The following CFAP299 variants were observed in gnomAD, a reference collection of about 807,000 sequenced individuals.
CFAP299 encodes cilia and flagella associated protein 299.
A neutral mutation model predicts 27.0 loss-of-function variants in CFAP299; 21 were observed. That is an observed-to-expected ratio of 0.78 (90% CI 0.55 to 1.12). CFAP299 has a LOEUF of 1.12. Ranked by LOEUF, CFAP299 falls within the 50% of genes most tolerant of loss-of-function variation. The pLI, the probability that CFAP299 is intolerant of heterozygous loss-of-function variation, is 0.00. For synonymous variants in CFAP299, 104 were observed against 98.1 expected, an observed-to-expected ratio of 1.06 and a Z score of -0.36; for missense variants, 310 against 276.6, an observed-to-expected ratio of 1.12 and a Z score of -0.86.
intron 2 of CFAP299, among the ~76,000 whole-genome samples, chr4:80,519,887 A>G (rs1732815483): frequency 6.6e-6 from 1 of 152,170 alleles, no homozygotes. Context: ...TGTAACCTAT[A>G]TAGTCAGTCT....
intron 3 of CFAP299, among the ~76,000 whole-genome samples, chr4:80,737,597 T>A (rs914386712): frequency 6.6e-6 from 1 of 152,158 alleles, no homozygotes; most frequent in African/African-American, 2.4e-5. Flanking sequence ...TAGCCATTAA[T>A]GATAATTTGA....
chr4:80,958,216 G>T lies in CFAP299; in HGVS notation c.607-5301G>T, dbSNP rs191634384. Among the ~76,000 whole-genome samples, 551 of 152,198 alleles carry T rather than the reference G, an allele frequency of 3.6e-3. 1 individual carries two copies. Among genetic ancestry groups the T allele is most frequent in the Middle Eastern group, 0.014 (4 of 294 alleles). ...AATATTCTTGACTATTAAAGCCAAGGAGTAGACCAGATTGTACAGAAGGTC... is the reference window on the plus strand; with the variant it reads ...AATATTCTTGACTATTAAAGCCAAGTAGTAGACCAGATTGTACAGAAGGTC... On this transcript the variant is annotated intron_variant, in intron 5 of 5. Coordinates refer to ENST00000358105, the MANE Select transcript of CFAP299 (RefSeq NM_152770.3).
chr4:80,357,684 C>G (rs965610006), intron 1 of CFAP299, among the ~76,000 whole-genome samples: 1 of 152,000 alleles, frequency 6.6e-6, no homozygotes, highest in African/African-American at 2.4e-5. Context: ...GTGGTTTTAT[C>G]CCCCTGTTGT....
intron 3 of CFAP299, among the ~76,000 whole-genome samples, chr4:80,691,852 G>A (rs1474229690): frequency 6.6e-6 from 1 of 152,124 alleles, no homozygotes; most frequent in Non-Finnish European, 1.5e-5. Context: ...AAAGTCTCAG[G>A]ATACAAAATC....
chr4:80,812,084 G>C (rs1729183522), intron 3 of CFAP299, among the ~76,000 whole-genome samples: 1 of 151,964 alleles, frequency 6.6e-6, no homozygotes, highest in Non-Finnish European at 1.5e-5. Context: ...AATACAAACA[G>C]TATTCATATA....
At position 80,934,639 on chromosome 4, in the gene CFAP299, A is replaced by G. The variant is rs1480629075; in HGVS notation, c.477-10171A>G. ...CAATCTTGTTAGGTTGGATGGTTCC[A>G]GGAATGTATCCATTTCTTCTGGTTT... is the stretch of plus-strand genomic sequence containing the variant. On this transcript the variant is annotated intron_variant, in intron 4 of 5. Coordinates refer to ENST00000358105, the MANE Select transcript of CFAP299 (RefSeq NM_152770.3). Among the ~76,000 whole-genome samples the G allele has an allele frequency of 4.6e-5, 7 of 151,934 alleles. No homozygotes were observed. The East Asian group carries it at 1.3e-3, about 29-fold the overall frequency.
intron 2 of CFAP299, chr4:80,387,883 A>C: frequency 1.8e-6 from 2 of 1,088,312 alleles, no homozygotes; most frequent in Middle Eastern, 2.0e-4. Context: ...TGGAGAGTCA[A>C]AGATGGCCAC....
chr4:80,387,914 T>C, intron 2 of CFAP299: 1 of 875,760 alleles, frequency 1.1e-6, no homozygotes, highest in Non-Finnish European at 1.9e-6. Context: ...GTGGCACTGG[T>C]CATGGGGCAG....
intron 3 of CFAP299, among the ~76,000 whole-genome samples, chr4:80,839,424 C>G (rs1221544531): frequency 6.6e-6 from 1 of 152,024 alleles, no homozygotes; most frequent in East Asian, 1.9e-4. Flanking sequence ...ATTTGAAGTA[C>G]AAAAAGGCTG....
intron 3 of CFAP299, among the ~76,000 whole-genome samples, chr4:80,610,920 T>G (rs530345188): frequency 1.3e-5 from 2 of 152,136 alleles, no homozygotes; most frequent in East Asian, 3.9e-4. Context: ...CCTGTAAGTT[T>G]CTTTAAGTTG....
chr4:80,564,992 A>T (rs935353884), intron 2 of CFAP299, among the ~76,000 whole-genome samples: 5 of 152,068 alleles, frequency 3.3e-5, no homozygotes, highest in Non-Finnish European at 5.9e-5. Flanking sequence ...TGAAACACTG[A>T]TTGTTGATAA....
chr4:80,541,102 A>G (rs1158200273), intron 2 of CFAP299, among the ~76,000 whole-genome samples: 1 of 151,140 alleles, frequency 6.6e-6, no homozygotes, highest in Non-Finnish European at 1.5e-5. Context: ...GTTTTACAAG[A>G]AATATAATGG....
intron 4 of CFAP299, among the ~76,000 whole-genome samples, chr4:80,909,169 C>T (rs1735342634): frequency 6.6e-6 from 1 of 151,880 alleles, no homozygotes; most frequent in Non-Finnish European, 1.5e-5. Context: ...ATCTGTATTA[C>T]CAATTGCCTT....
intron 4 of CFAP299, among the ~76,000 whole-genome samples, chr4:80,935,908 C>T (rs548873761): frequency 6.6e-6 from 1 of 152,144 alleles, no homozygotes; most frequent in African/African-American, 2.4e-5. Context: ...AGTACATGAA[C>T]AGAGACACTT....
At chr4:80,959,799 C>A (rs569544263) in intron 5 of CFAP299, among the ~76,000 whole-genome samples, 1 of 151,514 alleles carries the variant, frequency 6.6e-6, no homozygotes, top group South Asian at 2.1e-4. Flanking sequence ...TACTTAAGAT[C>A]CAATTATGAA....
intron 2 of CFAP299, among the ~76,000 whole-genome samples, chr4:80,409,987 C>T (rs1246201491): frequency 1.3e-5 from 2 of 152,170 alleles, no homozygotes; most frequent in Non-Finnish European, 2.9e-5. Context: ...CAGCGAAGAT[C>T]AGCAGAAGTG....
rs1162381040 is a variant in CFAP299, at chr4:80,491,985, A to G, written c.243-91108A>G. Among the ~76,000 whole-genome samples the G allele has an allele frequency of 3.9e-5, 6 of 152,192 alleles. No individual in the cohort carries two copies. The East Asian group carries it at 9.6e-4, about 24-fold the overall frequency. On this transcript the variant is annotated intron_variant, in intron 2 of 5. Transcript: ENST00000358105. ...CCTATTGTCTCTAAGGGCAGCCACTATAAGACTTCAAAAGAACTTTGGTCT... is the reference window on the plus strand; with the variant it reads ...CCTATTGTCTCTAAGGGCAGCCACTGTAAGACTTCAAAAGAACTTTGGTCT...
At chr4:80,632,377 T>C (rs1739256500) in intron 3 of CFAP299, among the ~76,000 whole-genome samples, 1 of 152,200 alleles carries the variant, frequency 6.6e-6, no homozygotes, top group Non-Finnish European at 1.5e-5. Context: ...TTATTCAGCA[T>C]TTATTAAAAA....
At chr4:80,486,225 G>T (rs997580200) in intron 2 of CFAP299, among the ~76,000 whole-genome samples, 3 of 152,082 alleles carry the variant, frequency 2.0e-5, no homozygotes, top group African/African-American at 7.2e-5. Flanking sequence ...TTTCTGGAAG[G>T]GCACTAAGTG....
Sources: gnomAD v4.1 joint callset for allele counts (sites outside exome capture counted in the v4.1 genomes callset) on GRCh38, gnomAD v4.1.1 for gene constraint, MANE v1.5 for transcripts, NCBI Gene and HGNC (gene_info 2026-07-23, HGNC 2026-07-21) for gene names.